Variants in FBXL17 observed in about 807,000 individuals in gnomAD.
The protein encoded by FBXL17 is F-box and leucine rich repeat protein 17, also known as F-box/LRR-repeat protein 17.
A neutral mutation model predicts 66.2 loss-of-function variants in FBXL17; 22 were observed. The observed-to-expected ratio is 0.33, with a 90% CI of 0.24 to 0.47. The LOEUF (loss-of-function observed/expected upper bound fraction) is 0.47. Among genes scored for constraint, FBXL17 ranks in the 20% least tolerant of loss-of-function variants. The pLI is 1.00. For synonymous variants in FBXL17, 474 were observed against 400.5 expected (o/e 1.18, Z -2.19); for missense variants, 878 against 948.2 (o/e 0.93, Z 0.97).
intron 8 of FBXL17, among the ~76,000 whole-genome samples, chr5:107,877,261 A>T (rs1381003219): frequency 6.6e-6 from 1 of 152,228 alleles, no homozygotes; most frequent in Non-Finnish European, 1.5e-5. Context: ...CCTCCCCAGG[A>T]ATCACCAATG....
chr5:108,017,802 G>A (rs1169416804), intron 7 of FBXL17, among the ~76,000 whole-genome samples: 1 of 152,040 alleles, frequency 6.6e-6, no homozygotes, highest in African/African-American at 2.4e-5. Flanking sequence ...TTATTGATTT[G>A]TTTATAGTTG....
At chr5:108,149,612 T>C (rs1162152340) in intron 6 of FBXL17, among the ~76,000 whole-genome samples, 1 of 152,224 alleles carries the variant, frequency 6.6e-6, no homozygotes, top group African/African-American at 2.4e-5. Flanking sequence ...CAGTTGGGCA[T>C]TATGAAGCCT....
chr5:107,996,352 T>C (rs959337615), intron 7 of FBXL17, among the ~76,000 whole-genome samples: 1 of 152,230 alleles, frequency 6.6e-6, no homozygotes, highest in African/African-American at 2.4e-5. Context: ...TCTCCCTGTG[T>C]GACCCAGGCT....
chr5:108,186,957 AT>A (rs1395338728), intron 5 of FBXL17, among the ~76,000 whole-genome samples: 13 of 151,796 alleles, frequency 8.6e-5, no homozygotes, highest in African/African-American at 2.9e-4. Flanking sequence ...TTCTGTATAG[AT>A]TTTTTTATTT....
At chr5:108,281,449 A>G (rs1433888187) in intron 4 of FBXL17, among the ~76,000 whole-genome samples, 1 of 152,006 alleles carries the variant, frequency 6.6e-6, no homozygotes, top group Non-Finnish European at 1.5e-5. Context: ...GGGTCAATGA[A>G]GAAATTAAGA....
At chr5:108,215,345 T>C (rs1754554180) in intron 5 of FBXL17, among the ~76,000 whole-genome samples, 1 of 152,252 alleles carries the variant, frequency 6.6e-6, no homozygotes, top group Non-Finnish European at 1.5e-5. Flanking sequence ...ACAAGGGTTC[T>C]AATTTCTCCA....
chr5:108,146,771 A>C (rs1191668751), intron 6 of FBXL17, among the ~76,000 whole-genome samples: 2 of 152,176 alleles, frequency 1.3e-5, no homozygotes, highest in East Asian at 3.8e-4. Flanking sequence ...GGGACACTCA[A>C]ATCACAGGCT....
intron 4 of FBXL17, chr5:108,299,751 T>C (rs573217975): frequency 8.1e-6 from 8 of 985,002 alleles, no homozygotes; most frequent in East Asian, 1.1e-4. Context: ...CAGGAGCTGA[T>C]TGAAGCAGTG....
chr5:108,208,622 G>A (rs1580616684), intron 5 of FBXL17, among the ~76,000 whole-genome samples: 1 of 152,152 alleles, frequency 6.6e-6, no homozygotes, highest in Non-Finnish European at 1.5e-5. Flanking sequence ...GATGGTTGTA[G>A]ATACGTGGTG....
At chr5:108,379,204 T>G (rs1749662631) in intron 1 of FBXL17, among the ~76,000 whole-genome samples, 1 of 152,242 alleles carries the variant, frequency 6.6e-6, no homozygotes, top group Non-Finnish European at 1.5e-5. Flanking sequence ...AAATAATTTG[T>G]AAGTAGAAGG....
intron 4 of FBXL17, among the ~76,000 whole-genome samples, chr5:108,322,298 C>T (rs71592749): frequency 6.6e-6 from 1 of 151,714 alleles, no homozygotes; most frequent in African/African-American, 2.4e-5. Context: ...TAGCAATCAA[C>T]TGGCTACTGA....
chr5:108,055,280 GAAAAAAAAAAAAAAAA>G (rs1000211060), intron 6 of FBXL17, among the ~76,000 whole-genome samples: 9 of 23,708 alleles, frequency 3.8e-4, no homozygotes, highest in East Asian at 1.4e-3. Flanking sequence ...AGAATTTTTA[GAAAAAAAAAAAAAAAA>G]AAAAAAAAAA....
intron 4 of FBXL17, among the ~76,000 whole-genome samples, chr5:108,315,376 C>T (rs779053147): frequency 2.0e-5 from 3 of 150,830 alleles, no homozygotes; most frequent in South Asian, 2.1e-4. Context: ...TGCTTTTAAG[C>T]GACAAGATGA....
chr5:108,221,543 G>A (rs1350484798), intron 5 of FBXL17, among the ~76,000 whole-genome samples: 2 of 152,134 alleles, frequency 1.3e-5, no homozygotes, highest in Non-Finnish European at 2.9e-5. Context: ...AACTTAGAAA[G>A]CCAGGGATTT....
intron 7 of FBXL17, among the ~76,000 whole-genome samples, chr5:108,004,317 TAA>T (rs1311757980): frequency 1.3e-5 from 2 of 152,156 alleles, no homozygotes; most frequent in Admixed American, 6.5e-5. Flanking sequence ...CATTTTTTAA[TAA>T]AAAGTAATAA....
At chr5:108,165,742 G>A (rs746379243) in intron 6 of FBXL17, among the ~76,000 whole-genome samples, 10 of 152,166 alleles carry the variant, frequency 6.6e-5, no homozygotes, top group Non-Finnish European at 8.8e-5. Flanking sequence ...AATTCTGAGT[G>A]TCTGTGGTTA....
intron 8 of FBXL17, among the ~76,000 whole-genome samples, chr5:107,873,108 C>G (rs74854651): frequency 2.0e-5 from 3 of 152,188 alleles, no homozygotes; most frequent in Non-Finnish European, 4.4e-5. Context: ...GAAAACTGTT[C>G]CTGGACAATC....
chr5:108,119,966 G>C (rs1429808026), intron 6 of FBXL17, among the ~76,000 whole-genome samples: 1 of 152,202 alleles, frequency 6.6e-6, no homozygotes, highest in Non-Finnish European at 1.5e-5. Context: ...CATTAGACTT[G>C]CTTCATAGTG....
At chr5:108,285,117 A>C (rs1757845881) in intron 4 of FBXL17, among the ~76,000 whole-genome samples, 1 of 151,920 alleles carries the variant, frequency 6.6e-6, no homozygotes. Context: ...TTCTTTGCAT[A>C]TCCATAAGAA....
Sources: gnomAD v4.1 joint callset for allele counts (sites outside exome capture counted in the v4.1 genomes callset) on GRCh38, gnomAD v4.1.1 for gene constraint, MANE v1.5 for transcripts, NCBI Gene and HGNC (gene_info 2026-07-23, HGNC 2026-07-21) for gene names.